STAC: variants seen among roughly 807,000 people sequenced by gnomAD.
STAC encodes the protein SH3 and cysteine-rich domain-containing protein.
A neutral mutation model predicts 48.8 loss-of-function variants in STAC; 43 were observed. That is an observed-to-expected ratio of 0.88 (90% CI 0.69 to 1.14). STAC has a LOEUF of 1.14. Ranked by LOEUF, STAC falls within the 50% of genes most tolerant of loss-of-function variation. STAC has a pLI of 0.00. For missense variants in STAC, 497 were observed against 504.0 expected, an observed-to-expected ratio of 0.99 and a Z score of 0.13; for synonymous variants, 193 against 179.5, an observed-to-expected ratio of 1.07 and a Z score of -0.60.
At chr3:36,484,539 T>TA (rs1226627127) in intron 3 of STAC, among the ~76,000 whole-genome samples, 3 of 152,236 alleles carry the variant, frequency 2.0e-5, no homozygotes, top group African/African-American at 7.2e-5. Context: ...GCTCTTCAGA[T>TA]ATACAGGAGC....
At chr3:36,423,669 TAA>T (rs1183455179) in intron 1 of STAC, among the ~76,000 whole-genome samples, 3 of 152,136 alleles carry the variant, frequency 2.0e-5, no homozygotes, top group South Asian at 4.2e-4. Context: ...TACTTTTCGA[TAA>T]GTTTCTTTTT....
intron 8 of STAC, among the ~76,000 whole-genome samples, chr3:36,518,684 C>T (rs1301661896): frequency 2.0e-5 from 3 of 152,166 alleles, no homozygotes; most frequent in African/African-American, 7.2e-5. Context: ...TCATTTCTCC[C>T]ATTAGTTAGT....
rs1699478452 is a variant in STAC at position 36,547,664 on chromosome 3, T to C, written c.*1375T>C. 1 of 150,010 alleles carries C rather than the reference T, an allele frequency of 6.7e-6. No homozygotes were observed. Among genetic ancestry groups the C allele is most frequent in the Non-Finnish European group, 1.5e-5 (1 of 66,322 alleles). The allele number at this position is 150,010 out of a possible 1,614,324, so 9.3% of individuals were successfully genotyped here. On this transcript the variant is annotated 3_prime_UTR_variant, in exon 11 of 11. Transcript: ENST00000273183. Reference sequence around the variant, plus strand: ...TTAAAAGACTTAAGTGGATGCATCCTATGCATGTAAGCATTATTTCCCAAA... The same window carrying C: ...TTAAAAGACTTAAGTGGATGCATCCCATGCATGTAAGCATTATTTCCCAAA...
intron 1 of STAC, among the ~76,000 whole-genome samples, chr3:36,403,652 CAATT>C (rs1575177677): frequency 6.6e-6 from 1 of 152,060 alleles, no homozygotes; most frequent in East Asian, 1.9e-4. Context: ...TCTGCATACA[CAATT>C]AGTAAAATCA....
rs1426310575 is a variant in STAC at position 36,546,183 on chromosome 3, G to T, written c.1111-8G>T. ...AGTATTTTGTTTTTTTTCTTCCTTGGCATTCAGATCTGCGTGAGTTCTGAA... is the reference window on the plus strand; with the variant it reads ...AGTATTTTGTTTTTTTTCTTCCTTGTCATTCAGATCTGCGTGAGTTCTGAA... On this transcript the variant is annotated splice_polypyrimidine_tract_variant and splice_region_variant and intron_variant, in intron 10 of 10. Transcript: ENST00000273183. 6.2e-7 allele frequency: 1 copy of T among 1,610,850 alleles called. No homozygotes were observed. The highest frequency in any genetic ancestry group is 1.7e-5 in the Admixed American group (1 of 59,610).
intron 1 of STAC, among the ~76,000 whole-genome samples, chr3:36,383,525 C>G (rs1210248799): frequency 1.3e-5 from 2 of 152,076 alleles, no homozygotes; most frequent in African/African-American, 4.8e-5. Flanking sequence ...TAACTTCACC[C>G]GTAAATATGC....
At chr3:36,535,946 C>T (rs1699188196) in intron 10 of STAC, among the ~76,000 whole-genome samples, 2 of 152,124 alleles carry the variant, frequency 1.3e-5, no homozygotes, top group Admixed American at 1.3e-4. Context: ...TGTTGTGTCT[C>T]TGCCAGGTTT....
intron 2 of STAC, among the ~76,000 whole-genome samples, chr3:36,464,893 C>A (rs61504110): frequency 2.0e-5 from 3 of 151,956 alleles, no homozygotes; most frequent in East Asian, 3.9e-4. Context: ...GCTGGTCCCA[C>A]ATTTTTGCAG....
At chr3:36,428,312 G>A (rs1012114560) in intron 1 of STAC, among the ~76,000 whole-genome samples, 1 of 152,180 alleles carries the variant, frequency 6.6e-6, no homozygotes, top group African/African-American at 2.4e-5. Flanking sequence ...AGATCCTGAT[G>A]CTTGCAGTTT....
chr3:36,485,440 G>A (rs1251112879), intron 4 of STAC, among the ~76,000 whole-genome samples: 1 of 152,126 alleles, frequency 6.6e-6, no homozygotes, highest in Non-Finnish European at 1.5e-5. Flanking sequence ...CCCACAAAAT[G>A]AGAACAGCAA....
intron 10 of STAC, among the ~76,000 whole-genome samples, chr3:36,531,608 C>T (rs1417601543): frequency 2.0e-5 from 3 of 152,152 alleles, no homozygotes; most frequent in African/African-American, 7.2e-5. Flanking sequence ...ACCCACCTTA[C>T]CACCACCACC....
intron 2 of STAC, among the ~76,000 whole-genome samples, chr3:36,464,811 G>A (rs939865353): frequency 2.0e-5 from 3 of 150,218 alleles, no homozygotes; most frequent in African/African-American, 4.9e-5. Context: ...AGTATTCCAT[G>A]GTGTGTGTGT....
intron 10 of STAC, among the ~76,000 whole-genome samples, chr3:36,539,370 A>G (rs1426144360): frequency 6.6e-6 from 1 of 152,040 alleles, no homozygotes; most frequent in East Asian, 1.9e-4. Flanking sequence ...TTCACCCCCT[A>G]AAAGGTCCCA....
chr3:36,454,328 G>C lies in STAC; in HGVS notation c.388+10688G>C, dbSNP rs375057508. Reference sequence around the variant, plus strand: ...CCGGGAGGAAGGAACAACTCCAGACGCGTCGCCTTAAGAGCTGTAACACTC... The same window carrying C: ...CCGGGAGGAAGGAACAACTCCAGACCCGTCGCCTTAAGAGCTGTAACACTC... On this transcript the variant is annotated intron_variant, in intron 2 of 10. Transcript: ENST00000273183. Among the ~76,000 whole-genome samples, 132 of 151,828 alleles carry C rather than the reference G, an allele frequency of 8.7e-4. 1 individual carries two copies. The highest frequency in any genetic ancestry group is 2.7e-3 in the African/African-American group (112 of 41,396).
chr3:36,451,459 T>C (rs916112823), intron 2 of STAC, among the ~76,000 whole-genome samples: 2 of 146,640 alleles, frequency 1.4e-5, no homozygotes, highest in Non-Finnish European at 3.0e-5. Flanking sequence ...GTTTTATAAT[T>C]CATACTTTTG....
intron 2 of STAC, among the ~76,000 whole-genome samples, chr3:36,471,868 G>A (rs935661079): frequency 3.3e-5 from 5 of 152,152 alleles, no homozygotes; most frequent in Non-Finnish European, 7.4e-5. Flanking sequence ...CCAGGCACAC[G>A]GTGCAAGCTG....
Position 36,445,650 on chromosome 3 carries a change from T to C in STAC, c.388+2010T>C, listed in dbSNP as rs527270180. 4.6e-5 allele frequency among the ~76,000 whole-genome samples: 7 copies of C among 152,350 alleles called. No homozygotes were observed. The East Asian group carries it at 1.3e-3, about 29-fold the overall frequency. The stretch of plus-strand genomic sequence containing the variant: ...TTTCTTGACCCTTCAGACATAGCAT[T>C]CTGTCTCCATATAGATTACCTAAAG... On this transcript the variant is annotated intron_variant, in intron 2 of 10. Coordinates refer to ENST00000273183, the MANE Select transcript of STAC (RefSeq NM_003149.3).
chr3:36,499,667 A>G (rs1698235369), intron 6 of STAC, among the ~76,000 whole-genome samples: 1 of 152,096 alleles, frequency 6.6e-6, no homozygotes. Context: ...CACTCTAGAT[A>G]AAAGAAAGAT....
chr3:36,539,110 A>G (rs187441866), intron 10 of STAC, among the ~76,000 whole-genome samples: 218 of 152,172 alleles, frequency 1.4e-3, no homozygotes, highest in African/African-American at 4.1e-3. Context: ...TCAGTCTTTC[A>G]TTGCTTCTAA....
Sources: allele counts gnomAD v4.1 joint callset (sites outside exome capture counted in the v4.1 genomes callset), GRCh38; gene constraint gnomAD v4.1.1; transcripts MANE v1.5; gene names NCBI Gene and HGNC (gene_info 2026-07-23, HGNC 2026-07-21).